RANBP17: variants seen among roughly 807,000 people sequenced by gnomAD.
RANBP17 encodes the protein ran-binding protein 17.
RANBP17 carries 158 observed loss-of-function variants against 141.2 expected under a neutral mutation model. That is an observed-to-expected ratio of 1.12 (90% CI 0.98 to 1.28). The LOEUF (loss-of-function observed/expected upper bound fraction) is 1.28, where lower values mean the gene tolerates loss of function less well. Ranked by LOEUF, RANBP17 falls within the 50% of genes most tolerant of loss-of-function variation. RANBP17 has a pLI of 0.00. For synonymous variants in RANBP17, 430 were observed against 450.0 expected (o/e 0.96, Z 0.56); for missense variants, 1,438 against 1,290.7 (o/e 1.11, Z -1.75).
chr5:171,113,510 A>G (rs964823161), intron 14 of RANBP17, among the ~76,000 whole-genome samples: 1 of 152,174 alleles, frequency 6.6e-6, no homozygotes, highest in Non-Finnish European at 1.5e-5. Flanking sequence ...ATTATCCAAT[A>G]TCATTATATA....
intron 22 of RANBP17, among the ~76,000 whole-genome samples, chr5:171,231,235 C>T (rs1764192751): frequency 1.3e-5 from 2 of 151,934 alleles, no homozygotes; most frequent in South Asian, 4.2e-4. Flanking sequence ...AGGCTTGAGC[C>T]ACCACGCCTG....
At chr5:171,044,833 CTTAA>C (rs1485149524) in intron 14 of RANBP17, among the ~76,000 whole-genome samples, 13 of 152,056 alleles carry the variant, frequency 8.5e-5, no homozygotes, top group Admixed American at 2.0e-4. Context: ...TCAAACCAAA[CTTAA>C]TTAGTCTATC....
intron 1 of RANBP17, 67 bp downstream of exon 1, chr5:170,862,118 G>C: frequency 1.4e-6 from 2 of 1,387,282 alleles, no homozygotes; most frequent in Non-Finnish European, 1.9e-6. Context: ...CGCGTCTGGA[G>C]ACCGAGGGCC....
intron 14 of RANBP17, among the ~76,000 whole-genome samples, chr5:171,079,464 A>G (rs1436203317): frequency 6.6e-6 from 1 of 152,230 alleles, no homozygotes; most frequent in Non-Finnish European, 1.5e-5. Context: ...CTGTGGGTCA[A>G]ATGCTATCAA....
intron 14 of RANBP17, among the ~76,000 whole-genome samples, chr5:171,125,705 C>G (rs928037061): frequency 6.6e-6 from 1 of 152,226 alleles, no homozygotes; most frequent in African/African-American, 2.4e-5. Flanking sequence ...AGCCCAATAC[C>G]TGCAAAGTAT....
At chr5:171,089,305 A>T (rs1365974240) in intron 14 of RANBP17, among the ~76,000 whole-genome samples, 1 of 107,878 alleles carries the variant, frequency 9.3e-6, no homozygotes, top group Non-Finnish European at 2.1e-5. Context: ...TTGAGGAGGC[A>T]GTCTGCCCGT....
At chr5:171,159,308 C>CT (rs1759126642) in intron 14 of RANBP17, among the ~76,000 whole-genome samples, 1 of 152,178 alleles carries the variant, frequency 6.6e-6, no homozygotes, top group South Asian at 2.1e-4. Flanking sequence ...TAAGTTTCAT[C>CT]TCCATACTAG....
intron 14 of RANBP17, among the ~76,000 whole-genome samples, chr5:171,135,710 C>A (rs1183954880): frequency 6.6e-6 from 1 of 152,080 alleles, no homozygotes; most frequent in Non-Finnish European, 1.5e-5. Context: ...AGAGAAAATT[C>A]TTTTTCTCTT....
rs146889163 is a variant in RANBP17, at chr5:170,999,355, A to G, written c.1710+30978A>G. 3.3e-5 allele frequency among the ~76,000 whole-genome samples: 5 copies of G among 152,250 alleles called. No individual in the cohort carries two copies. In the East Asian group the frequency reaches 7.7e-4, roughly 23 times the overall value. ...AATTGGTATAAGCTGGCTTTATTTT[A>G]TACTGCTAATAAAGGCACATTATGT... On this transcript the variant is annotated intron_variant, in intron 14 of 27. Coordinates refer to ENST00000523189, the MANE Select transcript of RANBP17 (RefSeq NM_022897.5).
intron 14 of RANBP17, among the ~76,000 whole-genome samples, chr5:171,104,828 G>A (rs1479931969): frequency 2.6e-5 from 4 of 152,174 alleles, no homozygotes; most frequent in African/African-American, 9.7e-5. Flanking sequence ...CTTGTTAAGA[G>A]TTAGTTAAAA....
At chr5:171,195,053 A>G (rs1184851325) in intron 18 of RANBP17, among the ~76,000 whole-genome samples, 1 of 152,238 alleles carries the variant, frequency 6.6e-6, no homozygotes, top group Non-Finnish European at 1.5e-5. Context: ...CTAAAAGCTA[A>G]GGAATTTATA....
At chr5:171,147,438 C>CA (rs1316356951) in intron 14 of RANBP17, among the ~76,000 whole-genome samples, 3 of 124,902 alleles carry the variant, frequency 2.4e-5, no homozygotes, top group Non-Finnish European at 4.8e-5. Context: ...TGTTTTGAGA[C>CA]AGAGTCTTGC....
In RANBP17 at chr5:170,947,749, A is replaced by C. The variant is rs1224665523; in HGVS notation, c.1469-5848A>C. On this transcript the variant is annotated intron_variant, in intron 12 of 27. Coordinates refer to ENST00000523189, the MANE Select transcript of RANBP17 (RefSeq NM_022897.5). Reference sequence around the variant, plus strand: ...TAGTTGGGCATTTCTCTCTCTGTTCAATCTCTCCAGATGGCTAGTTCGGGC... The same window carrying C: ...TAGTTGGGCATTTCTCTCTCTGTTCCATCTCTCCAGATGGCTAGTTCGGGC... 2.0e-5 allele frequency among the ~76,000 whole-genome samples: 3 copies of C among 152,038 alleles called. No homozygotes were observed. The East Asian group carries it at 5.8e-4, about 29-fold the overall frequency.
intron 22 of RANBP17, among the ~76,000 whole-genome samples, chr5:171,231,352 A>G (rs1691306326): frequency 6.6e-6 from 1 of 152,196 alleles, no homozygotes. Context: ...TGATTTTACA[A>G]AATTTATATT....
chr5:170,955,038 A>G (rs1775508817), intron 13 of RANBP17, among the ~76,000 whole-genome samples: 1 of 152,120 alleles, frequency 6.6e-6, no homozygotes, highest in Non-Finnish European at 1.5e-5. Flanking sequence ...TGAGGGATCT[A>G]GGTTGCATGC....
chr5:171,013,187 A>C (rs1311295921), intron 14 of RANBP17, among the ~76,000 whole-genome samples: 1 of 152,148 alleles, frequency 6.6e-6, no homozygotes, highest in African/African-American at 2.4e-5. Flanking sequence ...CAGTTCCCAG[A>C]ACTCAAGGAT....
At chr5:171,044,380 A>G (rs1466452486) in intron 14 of RANBP17, among the ~76,000 whole-genome samples, 13 of 152,042 alleles carry the variant, frequency 8.6e-5, no homozygotes, top group Non-Finnish European at 1.5e-4. Context: ...AGAATAAGGA[A>G]GAATTTTTTA....
At chr5:170,906,285 A>G (rs1193476896) in intron 5 of RANBP17, among the ~76,000 whole-genome samples, 2 of 152,050 alleles carry the variant, frequency 1.3e-5, no homozygotes, top group Non-Finnish European at 2.9e-5. Context: ...AATCTGGAGA[A>G]AAATTTCTCA....
At chr5:171,064,516 A>C (rs899179459) in intron 14 of RANBP17, among the ~76,000 whole-genome samples, 1 of 151,958 alleles carries the variant, frequency 6.6e-6, no homozygotes, top group African/African-American at 2.4e-5. Context: ...GTTTGTTTTC[A>C]GACAGGGTTT....
Sources: gnomAD v4.1 joint callset for allele counts (sites outside exome capture counted in the v4.1 genomes callset) on GRCh38, gnomAD v4.1.1 for gene constraint, MANE v1.5 for transcripts, NCBI Gene and HGNC (gene_info 2026-07-23, HGNC 2026-07-21) for gene names.